ZBTB7C: variants seen among roughly 807,000 people sequenced by gnomAD.
The protein encoded by ZBTB7C is zinc finger and BTB domain containing 7C.
In ZBTB7C, 8 loss-of-function variants were observed where a neutral mutation model predicts 25.7. The observed-to-expected ratio is 0.31, with a 90% CI of 0.18 to 0.56. The LOEUF is 0.56. Ranked by LOEUF, ZBTB7C falls within the 20% of genes least tolerant of loss-of-function variation. The pLI is 0.91. For missense variants in ZBTB7C, 824 were observed against 855.2 expected, an observed-to-expected ratio of 0.96 and a Z score of 0.46; for synonymous variants, 394 against 369.0, an observed-to-expected ratio of 1.07 and a Z score of -0.78.
rs115288795 is a variant in ZBTB7C, at chr18:48,059,167, T to G, written c.-16-18044A>C. Among the ~76,000 whole-genome samples the G allele has an allele frequency of 4.3e-3, 654 of 152,304 alleles. 6 individuals carry two copies. The highest frequency in any genetic ancestry group is 0.015 in the African/African-American group (617 of 41,552). On this transcript the variant is annotated intron_variant, in intron 3 of 4. Transcript: ENST00000590800. ...AACTCAACTCCTTTGGGAAGCAGGA[T>G]GTACTCTTTGGCCTTTGTCCATTTA...
intron 3 of ZBTB7C, among the ~76,000 whole-genome samples, chr18:48,134,043 C>T (rs916291987): frequency 3.3e-5 from 5 of 150,802 alleles, no homozygotes; most frequent in African/African-American, 9.8e-5. Context: ...TCTGGCAGCA[C>T]GACATCAAGG....
chr18:48,177,109 G>A (rs1160494875), intron 3 of ZBTB7C, among the ~76,000 whole-genome samples: 1 of 152,204 alleles, frequency 6.6e-6, no homozygotes, highest in African/African-American at 2.4e-5. Flanking sequence ...ACCCCTTTAG[G>A]GCACAGAGCT....
chr18:48,047,751 GC>G (rs2036530744), intron 3 of ZBTB7C, among the ~76,000 whole-genome samples: 1 of 152,218 alleles, frequency 6.6e-6, no homozygotes, highest in Non-Finnish European at 1.5e-5. Context: ...GGGCCAGCAA[GC>G]TAGTGAGCTT....
Position 48,160,342 on chromosome 18 carries a change from T to C in ZBTB7C, c.-17+25592A>G, listed in dbSNP as rs1351605471. ...TACTGAGCAACTACTCTGTGCCACA[T>C]AGGTGCTATGCTAGGTCCCTAACAT... is the stretch of plus-strand genomic sequence containing the variant. On this transcript the variant is annotated intron_variant, in intron 3 of 4. Coordinates refer to ENST00000590800, the MANE Select transcript of ZBTB7C (RefSeq NM_001318841.2). Among the ~76,000 whole-genome samples, 3 of 152,254 alleles carry C rather than the reference T, an allele frequency of 2.0e-5. No individual in the cohort carries two copies. In the East Asian group the frequency reaches 5.8e-4, roughly 29 times the overall value.
At position 48,210,693 on chromosome 18, in the gene ZBTB7C, C is replaced by T. The variant is rs908496147; in HGVS notation, c.-78-24698G>A. ...AATTGGGAGTGACTGCTAATGGGTACGAGGTGTCTCCGGGGGTAGGGAAAA... is the reference window on the plus strand; with the variant it reads ...AATTGGGAGTGACTGCTAATGGGTATGAGGTGTCTCCGGGGGTAGGGAAAA... On this transcript the variant is annotated intron_variant, in intron 2 of 4. Coordinates refer to ENST00000590800, the MANE Select transcript of ZBTB7C (RefSeq NM_001318841.2). 2.0e-4 allele frequency among the ~76,000 whole-genome samples: 31 copies of T among 151,994 alleles called. 1 individual carries two copies. Among genetic ancestry groups the T allele is most frequent in the Admixed American group, 1.3e-3 (20 of 15,256 alleles).
intron 2 of ZBTB7C, among the ~76,000 whole-genome samples, chr18:48,197,961 T>A (rs1441278722): frequency 6.6e-6 from 1 of 152,208 alleles, no homozygotes; most frequent in Admixed American, 6.5e-5. Context: ...CATGTTTCTG[T>A]TCCCTGTATC....
chr18:48,038,190 C>T (rs2036058399), intron 4 of ZBTB7C, among the ~76,000 whole-genome samples: 1 of 152,030 alleles, frequency 6.6e-6, no homozygotes, highest in Admixed American at 6.5e-5. Context: ...GAGCAGGGCG[C>T]CCTGCTGTCA....
chr18:48,090,350 G>T (rs977185247), intron 3 of ZBTB7C, among the ~76,000 whole-genome samples: 4 of 152,206 alleles, frequency 2.6e-5, no homozygotes, highest in African/African-American at 4.8e-5. Flanking sequence ...GGTTCCAATC[G>T]CTATCAAAGG....
At chr18:48,141,058 G>A (rs1419430662) in intron 3 of ZBTB7C, among the ~76,000 whole-genome samples, 1 of 151,948 alleles carries the variant, frequency 6.6e-6, no homozygotes, top group East Asian at 1.9e-4. Context: ...ATGCACTTTA[G>A]ACTATTCACC....
intron 1 of ZBTB7C, among the ~76,000 whole-genome samples, chr18:48,394,605 C>T (rs1568421981): frequency 6.6e-6 from 1 of 152,160 alleles, no homozygotes; most frequent in Non-Finnish European, 1.5e-5. Flanking sequence ...AACTCAGCTC[C>T]CAGCTATTAA....
chr18:48,405,380 T>A (rs973419529), intron 1 of ZBTB7C, among the ~76,000 whole-genome samples: 1 of 152,106 alleles, frequency 6.6e-6, no homozygotes, highest in Non-Finnish European at 1.5e-5. Context: ...GGGAACCACA[T>A]CTAATTTGCC....
intron 1 of ZBTB7C, among the ~76,000 whole-genome samples, chr18:48,395,265 A>ATGTGTGTGTGTG (rs59232482): frequency 9.7e-6 from 1 of 103,568 alleles, no homozygotes; most frequent in African/African-American, 3.9e-5. Flanking sequence ...GAGAGAGAGA[A>ATGTGTGTGTGTG]TGTGTGTGTG....
At chr18:48,293,482 C>A (rs1272587909) in intron 2 of ZBTB7C, among the ~76,000 whole-genome samples, 3 of 152,194 alleles carry the variant, frequency 2.0e-5, no homozygotes, top group Non-Finnish European at 2.9e-5. Flanking sequence ...CATCGTCTGG[C>A]ACTTAGTATT....
intron 3 of ZBTB7C, chr18:48,041,674 G>A (rs975124588): frequency 6.5e-6 from 2 of 309,484 alleles, no homozygotes; most frequent in Non-Finnish European, 9.4e-6. Context: ...CTTGTGGTAT[G>A]TTTTGCTTCC....
chr18:48,075,303 G>A (rs757806846), intron 3 of ZBTB7C, among the ~76,000 whole-genome samples: 3 of 152,206 alleles, frequency 2.0e-5, no homozygotes. Flanking sequence ...GGAGAGAAAG[G>A]ACACAAGCTC....
chr18:48,295,797 T>C (rs72909618), intron 2 of ZBTB7C, among the ~76,000 whole-genome samples: 17,860 of 152,026 alleles, frequency 0.12, 1,326 homozygotes, highest in Non-Finnish European at 0.17. Flanking sequence ...CCGCATTGGC[T>C]TCTCCTCCTC....
intron 3 of ZBTB7C, among the ~76,000 whole-genome samples, chr18:48,128,789 G>T (rs1003632933): frequency 4.6e-5 from 7 of 152,172 alleles, no homozygotes; most frequent in Non-Finnish European, 1.0e-4. Flanking sequence ...GTGCACTAAA[G>T]TCTCAGATTT....
intron 2 of ZBTB7C, among the ~76,000 whole-genome samples, chr18:48,317,232 G>A (rs1374368527): frequency 6.8e-6 from 1 of 146,000 alleles, no homozygotes; most frequent in African/African-American, 2.5e-5. Context: ...AATCCAGCCT[G>A]GGCGACAAGA....
At chr18:48,348,278 G>A (rs2046786172) in intron 1 of ZBTB7C, among the ~76,000 whole-genome samples, 2 of 152,218 alleles carry the variant, frequency 1.3e-5, no homozygotes, top group African/African-American at 4.8e-5. Context: ...CATCCCTGAT[G>A]TCATCCTAGG....
Sources: allele counts gnomAD v4.1 joint callset (sites outside exome capture counted in the v4.1 genomes callset), GRCh38; gene constraint gnomAD v4.1.1; transcripts MANE v1.5; gene names NCBI Gene and HGNC (gene_info 2026-07-23, HGNC 2026-07-21).